PPM1E: variants seen among roughly 807,000 people sequenced by gnomAD.
PPM1E encodes protein phosphatase 1E.
A neutral mutation model predicts 65.9 loss-of-function variants in PPM1E; 20 were observed. The observed-to-expected ratio is 0.30, with a 90% CI of 0.21 to 0.44. The LOEUF (loss-of-function observed/expected upper bound fraction) is 0.44. Among genes scored for constraint, PPM1E ranks in the 20% least tolerant of loss-of-function variants. PPM1E has a pLI of 1.00. For synonymous variants in PPM1E, 352 were observed against 374.9 expected, an observed-to-expected ratio of 0.94 and a Z score of 0.70; for missense variants, 713 against 953.1, an observed-to-expected ratio of 0.75 and a Z score of 3.32.
chr17:58,936,749 A>T (rs2051986187), intron 1 of PPM1E, among the ~76,000 whole-genome samples: 1 of 152,234 alleles, frequency 6.6e-6, no homozygotes, highest in South Asian at 2.1e-4. Flanking sequence ...GATCTGAATA[A>T]AATACTATCC....
chr17:58,917,426 A>G (rs1311747704), intron 1 of PPM1E, among the ~76,000 whole-genome samples: 3 of 152,208 alleles, frequency 2.0e-5, no homozygotes, highest in South Asian at 2.1e-4. Flanking sequence ...TTCTTCCATT[A>G]CATTTACTCT....
At chr17:58,790,950 C>T (rs1027944200) in intron 1 of PPM1E, among the ~76,000 whole-genome samples, 1 of 151,420 alleles carries the variant, frequency 6.6e-6, no homozygotes, top group Non-Finnish European at 1.5e-5. Flanking sequence ...AGTACAGTGG[C>T]ACCACCACAG....
chr17:58,860,111 C>T (rs1188294738), intron 1 of PPM1E, among the ~76,000 whole-genome samples: 1 of 152,154 alleles, frequency 6.6e-6, no homozygotes. Flanking sequence ...ATGACATCCT[C>T]AATACCCAGT....
intron 1 of PPM1E, among the ~76,000 whole-genome samples, chr17:58,924,703 T>G (rs1157256933): frequency 1.3e-5 from 2 of 152,136 alleles, no homozygotes; most frequent in Non-Finnish European, 2.9e-5. Context: ...CATTAGCTAT[T>G]TTTCCTAATG....
intron 1 of PPM1E, among the ~76,000 whole-genome samples, chr17:58,866,687 C>G (rs1285472836): frequency 6.6e-6 from 1 of 152,212 alleles, no homozygotes; most frequent in Non-Finnish European, 1.5e-5. Context: ...AGGTCATGTT[C>G]TCTCATAGTA....
At chr17:58,918,409 AGACT>A (rs770484432) in intron 1 of PPM1E, among the ~76,000 whole-genome samples, 1 of 152,210 alleles carries the variant, frequency 6.6e-6, no homozygotes, top group Non-Finnish European at 1.5e-5. Flanking sequence ...CTTTCATATA[AGACT>A]AAGTCTAATG....
intron 1 of PPM1E, among the ~76,000 whole-genome samples, chr17:58,768,014 G>A (rs1318359066): frequency 2.0e-5 from 3 of 152,040 alleles, no homozygotes; most frequent in South Asian, 2.1e-4. Flanking sequence ...GCAGTGGTGC[G>A]ATCTTGGCTC....
In PPM1E at chr17:58,770,180, C is replaced by T. The variant is rs2049922842; in HGVS notation, c.464+13719C>T. On this transcript the variant is annotated intron_variant, in intron 1 of 6. Transcript: ENST00000308249. ...GAATCATCATTGCAAAATCGTTATT[C>T]CTTTGCATAATGAGTTTAAAAATGG... is the stretch of plus-strand genomic sequence containing the variant. Among the ~76,000 whole-genome samples, 3 of 152,020 alleles carry T rather than the reference C, an allele frequency of 2.0e-5. No individual in the cohort carries two copies. The South Asian group carries it at 6.2e-4, about 32-fold the overall frequency.
Position 58,875,688 on chromosome 17 carries a change from CACAG to C in PPM1E, c.465-79957_465-79954del, listed in dbSNP as rs150435599. ...TCTTGTTTTAAATACTCCTGTGATT[CACAG>C]ACAATCACAGTTGACTGAACAAAAA... On this transcript the variant is annotated intron_variant, in intron 1 of 6. Coordinates refer to ENST00000308249, the MANE Select transcript of PPM1E (RefSeq NM_014906.5). 9.6e-3 allele frequency among the ~76,000 whole-genome samples: 1,467 copies of C among 152,210 alleles called. 25 individuals carry two copies. Among genetic ancestry groups the C allele is most frequent in the African/African-American group, 0.033 (1,354 of 41,544 alleles).
At chr17:58,936,442 C>A (rs4372750) in intron 1 of PPM1E, among the ~76,000 whole-genome samples, 96,774 of 151,914 alleles carry the variant, frequency 0.64, 31,211 homozygotes, top group African/African-American at 0.71. Context: ...AGTCTCTCTC[C>A]AAGTTAATTG....
intron 1 of PPM1E, among the ~76,000 whole-genome samples, chr17:58,845,107 A>G (rs987686790): frequency 2.0e-5 from 3 of 152,116 alleles, no homozygotes; most frequent in African/African-American, 7.2e-5. Flanking sequence ...GTTGCTAATC[A>G]CTTATGCGAA....
intron 1 of PPM1E, among the ~76,000 whole-genome samples, chr17:58,870,709 T>C (rs151049523): frequency 6.6e-6 from 1 of 152,328 alleles, no homozygotes; most frequent in Non-Finnish European, 1.5e-5. Context: ...TTGGGGTCAT[T>C]GCAAATTATG....
intron 1 of PPM1E, among the ~76,000 whole-genome samples, chr17:58,886,381 G>A (rs900935801): frequency 1.3e-5 from 2 of 152,124 alleles, no homozygotes; most frequent in African/African-American, 4.8e-5. Flanking sequence ...TATAGATGTA[G>A]AGTTTGGCTG....
intron 1 of PPM1E, chr17:58,785,458 T>TTTTATATATATA (rs1428055897): frequency 1.1e-5 from 1 of 88,990 alleles, no homozygotes; most frequent in Non-Finnish European, 2.0e-5. Flanking sequence ...CCTGGCTAAT[T>TTTTATATATATA]TATATATATA....
intron 1 of PPM1E, among the ~76,000 whole-genome samples, chr17:58,916,439 C>T (rs1045951715): frequency 6.6e-6 from 1 of 152,068 alleles, no homozygotes; most frequent in South Asian, 2.1e-4. Flanking sequence ...GAAATTATAG[C>T]TTAAGGATGA....
Position 58,768,179 on chromosome 17 carries a change from T to A in PPM1E, c.464+11718T>A, listed in dbSNP as rs1043195447. Among the ~76,000 whole-genome samples the A allele has an allele frequency of 2.6e-5, 4 of 152,094 alleles. No homozygotes were observed. The East Asian group carries it at 5.8e-4, about 22-fold the overall frequency. ...GTTGGCCAGGCTGGTCTCAAACTCC[T>A]GGCCTCAAGTGATCTGCCCGCCTCA... is the stretch of plus-strand genomic sequence containing the variant. On this transcript the variant is annotated intron_variant, in intron 1 of 6. Coordinates refer to ENST00000308249, the MANE Select transcript of PPM1E (RefSeq NM_014906.5).
chr17:58,859,060 C>T (rs2050912012), intron 1 of PPM1E, among the ~76,000 whole-genome samples: 1 of 152,174 alleles, frequency 6.6e-6, no homozygotes, highest in Non-Finnish European at 1.5e-5. Flanking sequence ...ACACAGACTT[C>T]AAAGAAATCG....
intron 1 of PPM1E, among the ~76,000 whole-genome samples, chr17:58,891,832 CTTTTTTTTTTT>C (rs5821250): frequency 4.7e-5 from 4 of 85,496 alleles, no homozygotes; most frequent in Non-Finnish European, 8.6e-5. Flanking sequence ...TTTTCTTTTT[CTTTTTTTTTTT>C]TTTTTTTTTT....
intron 1 of PPM1E, among the ~76,000 whole-genome samples, chr17:58,931,434 G>T (rs571794489): frequency 7.2e-5 from 11 of 151,982 alleles, no homozygotes; most frequent in African/African-American, 2.4e-4. Flanking sequence ...GAAGGAGGGA[G>T]GAAGGGAGGA....
Sources: gnomAD v4.1 joint callset for allele counts (sites outside exome capture counted in the v4.1 genomes callset) on GRCh38, gnomAD v4.1.1 for gene constraint, MANE v1.5 for transcripts, NCBI Gene and HGNC (gene_info 2026-07-23, HGNC 2026-07-21) for gene names.